TARS3: variants seen among roughly 807,000 people sequenced by gnomAD.
The protein encoded by TARS3 is threonine--tRNA ligase 2, cytoplasmic.
A neutral mutation model predicts 103.5 loss-of-function variants in TARS3; 94 were observed. The observed-to-expected ratio is 0.91, with a 90% CI of 0.77 to 1.08. TARS3 has a LOEUF of 1.08. Among genes scored for constraint, TARS3 ranks in the 50% least tolerant of loss-of-function variants. The pLI is 0.00. For missense variants in TARS3, 952 were observed against 995.2 expected (o/e 0.96, Z 0.58); for synonymous variants, 416 against 355.4 (o/e 1.17, Z -1.92).
At chr15:101,717,664 G>A (rs1432475121) in intron 3 of TARS3, among the ~76,000 whole-genome samples, 1 of 152,112 alleles carries the variant, frequency 6.6e-6, no homozygotes, top group African/African-American at 2.4e-5. Flanking sequence ...ATTCTTTCTG[G>A]ACCATGTAGA....
chr15:101,661,611 T>C, intron 16 of TARS3, 101 bp downstream of exon 16: 1 of 768,242 alleles, frequency 1.3e-6, no homozygotes, highest in Non-Finnish European at 2.0e-6. Flanking sequence ...TTACACATGA[T>C]TTTTTAAGAA....
intron 3 of TARS3, among the ~76,000 whole-genome samples, chr15:101,717,141 G>A (rs1900197650): frequency 1.3e-5 from 2 of 152,134 alleles, no homozygotes; most frequent in Non-Finnish European, 2.9e-5. Flanking sequence ...ACAGATGTGA[G>A]CCACCGTGCC....
At chr15:101,664,855 G>C (rs1340303617) in intron 15 of TARS3, among the ~76,000 whole-genome samples, 1 of 152,172 alleles carries the variant, frequency 6.6e-6, no homozygotes, top group Non-Finnish European at 1.5e-5. Context: ...CTGTACCCCA[G>C]GAAGCAGGGT....
At chr15:101,680,257 G>GT (rs1441371983) in intron 12 of TARS3, among the ~76,000 whole-genome samples, 4 of 152,338 alleles carry the variant, frequency 2.6e-5, no homozygotes, top group East Asian at 3.9e-4. Context: ...AAGGGCCACA[G>GT]TTTTTTCTGT....
chr15:101,658,255 C>T (rs774278590), intron 16 of TARS3, among the ~76,000 whole-genome samples: 3 of 130,056 alleles, frequency 2.3e-5, no homozygotes, highest in South Asian at 2.6e-4. Flanking sequence ...TGTCCTTTAG[C>T]GGGTGAATGG....
intron 12 of TARS3, among the ~76,000 whole-genome samples, chr15:101,683,071 CTTT>C (rs1489959086): frequency 2.6e-5 from 4 of 152,088 alleles, no homozygotes; most frequent in African/African-American, 9.7e-5. Flanking sequence ...AGAGAACCAG[CTTT>C]TGTTTTATTT....
intron 3 of TARS3, 85 bp from the exon 4 acceptor site, chr15:101,715,048 T>C (rs1900071905): frequency 2.2e-6 from 3 of 1,390,592 alleles, no homozygotes; most frequent in Middle Eastern, 1.9e-4. Flanking sequence ...CTAGGGTTTT[T>C]TTTTTTTGAA....
At chr15:101,665,493 C>T (rs548130660) in intron 15 of TARS3, among the ~76,000 whole-genome samples, 19 of 152,220 alleles carry the variant, frequency 1.2e-4, no homozygotes, top group Admixed American at 2.0e-4. Context: ...TAAAATTGTA[C>T]AGCGTTATCA....
intron 7 of TARS3, among the ~76,000 whole-genome samples, chr15:101,704,662 TAA>T (rs558123891): frequency 1.5e-4 from 14 of 93,092 alleles, no homozygotes; most frequent in Admixed American, 4.5e-4. Flanking sequence ...CTCAAAAAAT[TAA>T]AAAAAAAAAA....
At chr15:101,685,491 G>A (rs1185501184) in intron 11 of TARS3, among the ~76,000 whole-genome samples, 2 of 152,048 alleles carry the variant, frequency 1.3e-5, no homozygotes, top group African/African-American at 4.8e-5. Context: ...ATGGTATCTT[G>A]GAATCAGTGA....
At chr15:101,669,279 T>G (rs1223698677) in intron 15 of TARS3, among the ~76,000 whole-genome samples, 1 of 152,162 alleles carries the variant, frequency 6.6e-6, no homozygotes, top group Non-Finnish European at 1.5e-5. Flanking sequence ...AATAAAGAGA[T>G]AAAGAAAATA....
At chr15:101,714,241 T>C (rs1900016344) in intron 4 of TARS3, among the ~76,000 whole-genome samples, 2 of 152,200 alleles carry the variant, frequency 1.3e-5, no homozygotes, top group South Asian at 4.1e-4. Flanking sequence ...AATGGCCTAC[T>C]AACAATTCAT....
At chr15:101,687,070 G>A (rs1449601198) in intron 10 of TARS3, among the ~76,000 whole-genome samples, 2 of 152,124 alleles carry the variant, frequency 1.3e-5, no homozygotes, top group Non-Finnish European at 2.9e-5. Context: ...CGGCCATTCA[G>A]TGAGCTGCTT....
chr15:101,709,326 C>T (rs945963977), intron 5 of TARS3, among the ~76,000 whole-genome samples: 3 of 152,324 alleles, frequency 2.0e-5, no homozygotes, highest in South Asian at 2.1e-4. Context: ...TGCAGAGTCG[C>T]GGTGCTCCCA....
chr15:101,716,196 T>C (rs540393241), intron 3 of TARS3, among the ~76,000 whole-genome samples: 8 of 152,330 alleles, frequency 5.3e-5, no homozygotes, highest in African/African-American at 1.9e-4. Flanking sequence ...TTTGTATTTT[T>C]AGTAGAGATG....
chr15:101,662,010 T>C (rs1897400921), intron 15 of TARS3, among the ~76,000 whole-genome samples, 194 bp from the exon 16 acceptor site: 1 of 152,228 alleles, frequency 6.6e-6, no homozygotes, highest in South Asian at 2.1e-4. Flanking sequence ...AAAAACTTTT[T>C]ATTAGAGCGC....
intron 12 of TARS3, among the ~76,000 whole-genome samples, chr15:101,677,304 A>C (rs1273056028): frequency 6.6e-6 from 1 of 151,986 alleles, no homozygotes; most frequent in Non-Finnish European, 1.5e-5. Context: ...CAGGAATAGA[A>C]CTCAAAGGCA....
At chr15:101,705,457 G>C (rs1341810766) in intron 7 of TARS3, among the ~76,000 whole-genome samples, 1 of 152,190 alleles carries the variant, frequency 6.6e-6, no homozygotes, top group East Asian at 1.9e-4. Context: ...TCCTGTTATA[G>C]CTAACACCCA....
At chr15:101,679,893 A>C (rs1898187916) in intron 12 of TARS3, among the ~76,000 whole-genome samples, 1 of 152,242 alleles carries the variant, frequency 6.6e-6, no homozygotes, top group Admixed American at 6.5e-5. Context: ...TGGGTTGCAC[A>C]GGTGTTCTAG....
Sources: gnomAD v4.1 joint callset for allele counts (sites outside exome capture counted in the v4.1 genomes callset) on GRCh38, gnomAD v4.1.1 for gene constraint, MANE v1.5 for transcripts, NCBI Gene and HGNC (gene_info 2026-07-23, HGNC 2026-07-21) for gene names.